CCSER1: variants seen among roughly 807,000 people sequenced by gnomAD.
CCSER1 encodes serine-rich coiled-coil domain-containing protein 1.
In CCSER1, 41 loss-of-function variants were observed where a neutral mutation model predicts 82.0. The observed-to-expected ratio is 0.50, with a 90% CI of 0.39 to 0.65. The LOEUF is 0.65. Ranked by LOEUF, CCSER1 falls within the 30% of genes least tolerant of loss-of-function variation. The pLI, the probability that CCSER1 is intolerant of heterozygous loss-of-function variation, is 0.00. For synonymous variants in CCSER1, 414 were observed against 383.9 expected, an observed-to-expected ratio of 1.08 and a Z score of -0.92; for missense variants, 1,119 against 1,064.2, an observed-to-expected ratio of 1.05 and a Z score of -0.72.
At chr4:90,303,646 C>T (rs1256471842) in intron 1 of CCSER1, among the ~76,000 whole-genome samples, 2 of 151,760 alleles carry the variant, frequency 1.3e-5, no homozygotes, top group Admixed American at 6.6e-5. Context: ...ATACAAAAAT[C>T]AATTCAAGAT....
chr4:90,832,167 A>C (rs750251750), intron 8 of CCSER1, among the ~76,000 whole-genome samples: 1 of 152,066 alleles, frequency 6.6e-6, no homozygotes, highest in South Asian at 2.1e-4. Flanking sequence ...AAACAAGCAT[A>C]TATTAAATGG....
intron 8 of CCSER1, among the ~76,000 whole-genome samples, chr4:90,908,859 G>A (rs1725898048): frequency 6.6e-6 from 1 of 152,156 alleles, no homozygotes; most frequent in African/African-American, 2.4e-5. Flanking sequence ...TAGTGGAGAA[G>A]GTATGGATGA....
chr4:91,495,972 G>GAAGT (rs1758782351), intron 10 of CCSER1, among the ~76,000 whole-genome samples: 1 of 151,540 alleles, frequency 6.6e-6, no homozygotes, highest in African/African-American at 2.4e-5. Flanking sequence ...TGATAGTAAA[G>GAAGT]AAGTAGATTT....
At chr4:91,269,235 A>T (rs1359594004) in intron 10 of CCSER1, among the ~76,000 whole-genome samples, 1 of 152,214 alleles carries the variant, frequency 6.6e-6, no homozygotes, top group Non-Finnish European at 1.5e-5. Context: ...TTTAATTTGG[A>T]TGTTTTAATT....
chr4:91,367,829 A>G (rs1749745691), intron 10 of CCSER1, among the ~76,000 whole-genome samples: 1 of 152,136 alleles, frequency 6.6e-6, no homozygotes, highest in African/African-American at 2.4e-5. Flanking sequence ...ACCTGGAATT[A>G]TTCCTTACAT....
chr4:90,745,215 C>G (rs1697639008), intron 7 of CCSER1, among the ~76,000 whole-genome samples: 1 of 152,126 alleles, frequency 6.6e-6, no homozygotes, highest in Admixed American at 6.5e-5. Context: ...GCCTGCATTA[C>G]TGGGCTTTGT....
rs140544286 is a variant in CCSER1 at position 91,213,230 on chromosome 4, T to C, written c.2217+127236T>C. Among the ~76,000 whole-genome samples, 181 of 152,240 alleles carry C rather than the reference T, an allele frequency of 1.2e-3. 1 individual carries two copies. The highest frequency in any genetic ancestry group is 2.1e-3 in the Non-Finnish European group (145 of 68,000). ...TTTTTTTAATGTAATGTCTCAACTT[T>C]TGATATGGATGTTTGTACATTTATT... On this transcript the variant is annotated intron_variant, in intron 10 of 10. Transcript: ENST00000509176.
chr4:90,233,408 G>A (rs1254662495), intron 1 of CCSER1, among the ~76,000 whole-genome samples: 2 of 152,014 alleles, frequency 1.3e-5, no homozygotes, highest in South Asian at 2.1e-4. Flanking sequence ...TCACTCATAG[G>A]TGGGAATTGA....
At chr4:90,199,955 A>G (rs1281575611) in intron 1 of CCSER1, among the ~76,000 whole-genome samples, 1 of 151,954 alleles carries the variant, frequency 6.6e-6, no homozygotes, top group Non-Finnish European at 1.5e-5. Flanking sequence ...TAAGGTTCCA[A>G]TTTATGGTGT....
intron 4 of CCSER1, among the ~76,000 whole-genome samples, chr4:90,406,311 G>A (rs956260052): frequency 2.6e-5 from 4 of 152,090 alleles, no homozygotes; most frequent in African/African-American, 7.2e-5. Flanking sequence ...GGAAAATATT[G>A]CAGTTCTAAA....
At chr4:91,429,768 C>G (rs939364644) in intron 10 of CCSER1, among the ~76,000 whole-genome samples, 11 of 151,762 alleles carry the variant, frequency 7.2e-5, no homozygotes, top group African/African-American at 2.7e-4. Context: ...ATATTTTCAT[C>G]TGAAAATATA....
chr4:90,412,764 A>G (rs190391028), intron 4 of CCSER1, among the ~76,000 whole-genome samples: 138 of 152,320 alleles, frequency 9.1e-4, no homozygotes, highest in African/African-American at 3.0e-3. Context: ...CCTTAAGGTA[A>G]TAAAAGCCAT....
At chr4:91,020,540 T>G (rs1739850143) in intron 9 of CCSER1, among the ~76,000 whole-genome samples, 1 of 152,020 alleles carries the variant, frequency 6.6e-6, no homozygotes, top group African/African-American at 2.4e-5. Flanking sequence ...CGGGTGCCTG[T>G]AGTCCCAGTT....
intron 6 of CCSER1, among the ~76,000 whole-genome samples, chr4:90,660,637 A>G (rs947874259): frequency 2.0e-5 from 3 of 149,690 alleles, no homozygotes; most frequent in East Asian, 3.9e-4. Flanking sequence ...CAACATTATT[A>G]TGTTTTGATT....
At chr4:90,707,393 C>T (rs901262657) in intron 6 of CCSER1, among the ~76,000 whole-genome samples, 6 of 151,926 alleles carry the variant, frequency 3.9e-5, no homozygotes, top group African/African-American at 1.2e-4. Flanking sequence ...TACATGTGTA[C>T]CTTTTGCCAT....
chr4:90,836,515 G>A (rs1006904467), intron 8 of CCSER1, among the ~76,000 whole-genome samples: 2 of 152,096 alleles, frequency 1.3e-5, no homozygotes, highest in Non-Finnish European at 1.5e-5. Flanking sequence ...AAATTCTAGG[G>A]CTAAGAATAC....
At chr4:91,286,202 T>C (rs1402682995) in intron 10 of CCSER1, among the ~76,000 whole-genome samples, 3 of 151,932 alleles carry the variant, frequency 2.0e-5, no homozygotes, top group Non-Finnish European at 1.5e-5. Context: ...AGAAAGGCTG[T>C]GAATCTACAA....
At chr4:91,598,148 C>T (rs1250418450) in intron 10 of CCSER1, among the ~76,000 whole-genome samples, 1 of 152,138 alleles carries the variant, frequency 6.6e-6, no homozygotes. Context: ...TATAAACTCT[C>T]TGGACATATA....
At chr4:91,362,367 T>C (rs1749305937) in intron 10 of CCSER1, among the ~76,000 whole-genome samples, 1 of 151,692 alleles carries the variant, frequency 6.6e-6, no homozygotes, top group Admixed American at 6.6e-5. Flanking sequence ...TCTGTTTCAT[T>C]TACCCTTCTA....
Sources: gnomAD v4.1 joint callset for allele counts (sites outside exome capture counted in the v4.1 genomes callset) on GRCh38, gnomAD v4.1.1 for gene constraint, MANE v1.5 for transcripts, NCBI Gene and HGNC (gene_info 2026-07-23, HGNC 2026-07-21) for gene names.